Variants in EGFLAM observed in about 807,000 individuals in gnomAD.
EGFLAM encodes EGF like, fibronectin type III and laminin G domains.
Under a neutral mutation model 113.1 loss-of-function variants are expected in EGFLAM, and 79 were observed. The observed-to-expected ratio is 0.70, with a 90% CI of 0.58 to 0.84. EGFLAM has a LOEUF of 0.84. Among genes scored for constraint, EGFLAM ranks in the 40% least tolerant of loss-of-function variants. EGFLAM has a pLI of 0.00. For missense variants in EGFLAM, 1,265 were observed against 1,291.6 expected (o/e 0.98, Z 0.32); for synonymous variants, 504 against 487.6 (o/e 1.03, Z -0.44).
chr5:38,283,608 A>G (rs950253947), intron 1 of EGFLAM, among the ~76,000 whole-genome samples: 2 of 152,176 alleles, frequency 1.3e-5, no homozygotes, highest in African/African-American at 2.4e-5. Flanking sequence ...TCTAGGGCAG[A>G]CAAGTCACTT....
intron 13 of EGFLAM, among the ~76,000 whole-genome samples, chr5:38,425,807 G>GA (rs2112187294): frequency 6.6e-6 from 1 of 152,300 alleles, no homozygotes; most frequent in East Asian, 1.9e-4. Context: ...ATGCTCTTTA[G>GA]AATTTCTGTC....
In EGFLAM at chr5:38,406,376, G is replaced by A. The variant is rs150283605; in HGVS notation, c.828+135G>A. 3.9e-5 allele frequency: 29 copies of A among 749,100 alleles called. 1 individual carries two copies. Among genetic ancestry groups the A allele is most frequent in the Middle Eastern group, 5.9e-4 (2 of 3,364 alleles). 46.4% of individuals were successfully genotyped at this position (749,100 alleles called of 1,614,324 possible). A position where few individuals can be genotyped will look rare whatever the true frequency, so the allele number is the denominator to read the frequency against. ...TTTGCTTTTAACACTGATTTGTTTT[G>A]TCTGATGATCAGTCTCCAGGTGCTG... On this transcript the variant is annotated intron_variant, in intron 7 of 21. Coordinates refer to ENST00000322350, the MANE Select transcript of EGFLAM (RefSeq NM_152403.4).
chr5:38,373,907 A>G (rs1740295705), intron 6 of EGFLAM, among the ~76,000 whole-genome samples: 1 of 152,178 alleles, frequency 6.6e-6, no homozygotes, highest in Non-Finnish European at 1.5e-5. Flanking sequence ...TTTTCTCCAC[A>G]GTCATGCCGA....
At chr5:38,411,011 AT>A (rs1181266720) in intron 10 of EGFLAM, among the ~76,000 whole-genome samples, 1 of 152,230 alleles carries the variant, frequency 6.6e-6, no homozygotes, top group Non-Finnish European at 1.5e-5. Flanking sequence ...TTAGTTGCCC[AT>A]CATTTTCTTT....
intron 1 of EGFLAM, among the ~76,000 whole-genome samples, chr5:38,299,323 T>G (rs1354549881): frequency 6.6e-6 from 1 of 152,268 alleles, no homozygotes; most frequent in Admixed American, 6.5e-5. Flanking sequence ...CCATGTATTA[T>G]GTGGCTTACA....
chr5:38,380,887 C>A (rs1282682279), intron 6 of EGFLAM, among the ~76,000 whole-genome samples: 1 of 152,110 alleles, frequency 6.6e-6, no homozygotes, highest in Non-Finnish European at 1.5e-5. Context: ...CCCCCTCTGG[C>A]TAGGTAGAGA....
At chr5:38,448,023 T>A (rs1177941481) in intron 17 of EGFLAM, among the ~76,000 whole-genome samples, 2 of 152,088 alleles carry the variant, frequency 1.3e-5, no homozygotes, top group African/African-American at 2.4e-5. Flanking sequence ...TTGGGAACAG[T>A]TCAAGTTTCA....
intron 6 of EGFLAM, among the ~76,000 whole-genome samples, chr5:38,388,120 C>G (rs1245869363): frequency 6.6e-6 from 1 of 152,146 alleles, no homozygotes; most frequent in African/African-American, 2.4e-5. Context: ...CATTTCCAGT[C>G]ATGTACAAAC....
intron 6 of EGFLAM, among the ~76,000 whole-genome samples, chr5:38,394,078 T>C (rs1392039907): frequency 6.6e-6 from 1 of 152,010 alleles, no homozygotes; most frequent in Non-Finnish European, 1.5e-5. Context: ...GCCATCTATC[T>C]ATCCATCTAT....
In EGFLAM at chr5:38,435,200, G is replaced by A; in HGVS notation, c.2230G>A (p.Asp744Asn). The change falls in exon 16 of 22, where the codon GAT becomes AAT. Residue 744 changes from aspartate (D) to asparagine (N), a missense_variant. Physicochemically the swap from Asp to Asn is conservative, Grantham distance 23 (BLOSUM62 1). Coordinates refer to ENST00000322350, the MANE Select transcript of EGFLAM (RefSeq NM_152403.4). ...IFIGGVPNYD[D>N]VKKNSGVLKP... is the part of the protein sequence containing the mutation. ...CATTGGCGGAGTCCCCAATTATGAT[G>A]ATGTGAAGAAGAACTCGGGTGTCCT... is the stretch of plus-strand genomic sequence containing the variant. 6.2e-7 allele frequency: 1 copy of A among 1,614,160 alleles called. No homozygotes were observed. Among genetic ancestry groups the A allele is most frequent in the Non-Finnish European group, 8.5e-7 (1 of 1,180,018 alleles).
intron 5 of EGFLAM, among the ~76,000 whole-genome samples, chr5:38,359,985 TG>T (rs1366123848): frequency 6.6e-6 from 1 of 152,218 alleles, no homozygotes; most frequent in Non-Finnish European, 1.5e-5. Context: ...TTCAAGGTCA[TG>T]CAACCTGGGT....
intron 6 of EGFLAM, among the ~76,000 whole-genome samples, chr5:38,392,371 G>A (rs750490775): frequency 3.9e-5 from 6 of 152,112 alleles, no homozygotes; most frequent in Admixed American, 2.0e-4. Flanking sequence ...ATGGGCATTC[G>A]GGTTGATTCC....
intron 17 of EGFLAM, among the ~76,000 whole-genome samples, chr5:38,442,304 A>G (rs1051011832): frequency 1.6e-4 from 23 of 148,308 alleles, no homozygotes; most frequent in African/African-American, 4.9e-4. Flanking sequence ...AAATTAATAT[A>G]CTAAATTTTT....
chr5:38,453,172 C>T (rs909341230), intron 19 of EGFLAM, among the ~76,000 whole-genome samples: 1 of 152,188 alleles, frequency 6.6e-6, no homozygotes, highest in Admixed American at 6.5e-5. Context: ...GTGTGGTAAC[C>T]GCTTCCCCAG....
chr5:38,421,082 A>T (rs1741806034), intron 12 of EGFLAM, among the ~76,000 whole-genome samples: 1 of 152,138 alleles, frequency 6.6e-6, no homozygotes, highest in African/African-American at 2.4e-5. Context: ...ACGCAGCCTC[A>T]CCAGGGAGGT....
intron 1 of EGFLAM, among the ~76,000 whole-genome samples, chr5:38,261,519 G>T (rs892918135): frequency 3.9e-5 from 6 of 152,184 alleles, no homozygotes; most frequent in Non-Finnish European, 7.3e-5. Context: ...CTAGTAAGCG[G>T]TGGAATGGAA....
chr5:38,430,943 G>C (rs1742167301), intron 14 of EGFLAM, among the ~76,000 whole-genome samples: 1 of 152,166 alleles, frequency 6.6e-6, no homozygotes, highest in Non-Finnish European at 1.5e-5. Context: ...CAAGAAGAGA[G>C]AGCACTTCCC....
At chr5:38,446,014 A>T (rs867192865) in intron 17 of EGFLAM, among the ~76,000 whole-genome samples, 20 of 152,140 alleles carry the variant, frequency 1.3e-4, no homozygotes, top group Non-Finnish European at 7.4e-5. Context: ...CCACGGGCCA[A>T]CAACAGCAGG....
chr5:38,412,688 C>T (rs763757353), intron 11 of EGFLAM, 40 bp downstream of exon 11: 43 of 1,603,564 alleles, frequency 2.7e-5, no homozygotes, highest in Non-Finnish European at 3.7e-5. Flanking sequence ...CCACATACCA[C>T]CCACCATAAG....
Sources: gnomAD v4.1 joint callset for allele counts (sites outside exome capture counted in the v4.1 genomes callset) on GRCh38, gnomAD v4.1.1 for gene constraint, MANE v1.5 for transcripts, NCBI Gene and HGNC (gene_info 2026-07-23, HGNC 2026-07-21) for gene names.